DPYSL2: variants seen among roughly 807,000 people sequenced by gnomAD.
DPYSL2 encodes dihydropyrimidinase like 2, also known as dihydropyrimidinase-related protein 2.
In DPYSL2, 13 loss-of-function variants were observed where a neutral mutation model predicts 69.9. The ratio of observed to expected loss-of-function variants is 0.19; its 90% CI spans 0.12 to 0.30. DPYSL2 has a LOEUF of 0.30. DPYSL2 is among the 10% of genes least tolerant of loss of function. DPYSL2 has a pLI of 1.00. For synonymous variants in DPYSL2, 326 were observed against 359.1 expected, an observed-to-expected ratio of 0.91 and a Z score of 1.04; for missense variants, 587 against 918.9, an observed-to-expected ratio of 0.64 and a Z score of 4.67.
Position 26,517,965 on chromosome 8 carries a change from A to G in DPYSL2, c.354+3286A>G, listed in dbSNP as rs1236008713. 6.6e-6 allele frequency among the ~76,000 whole-genome samples: 1 copy of G among 152,188 alleles called. No homozygotes were observed. The highest frequency in any genetic ancestry group is 1.5e-5 in the Non-Finnish European group (1 of 68,026). ...ACAACGTCATCCCTACTCCATCCCC[A>G]TAGCATGCCCCTTCTAGACCTTTCT... On this transcript the variant is annotated intron_variant, in intron 1 of 13. Transcript: ENST00000521913. The surrounding 1 kb of genome is among the most constrained non-coding windows in gnomAD (Gnocchi z 4.2).
intron 1 of DPYSL2, among the ~76,000 whole-genome samples, chr8:26,566,291 T>C (rs1220497036): frequency 6.6e-6 from 1 of 152,056 alleles, no homozygotes; most frequent in Non-Finnish European, 1.5e-5. Flanking sequence ...TGATGACTCT[T>C]GGAAGGGGCC....
In DPYSL2 at chr8:26,647,876, G is replaced by A; in HGVS notation, c.1596+76G>A. 6.7e-7 allele frequency: 1 copy of A among 1,489,076 alleles called. No individual in the cohort carries two copies. The highest frequency in any genetic ancestry group is 8.9e-7 in the Non-Finnish European group (1 of 1,117,482). The allele number at this position is 1,489,076 out of a possible 1,614,324, so 92.2% of individuals were successfully genotyped here. ...AGACACAGACGGAGGGAGAGCCCCAGGGTTTCTAAAAAGAACTTGCTGTGA... is the reference window on the plus strand; with the variant it reads ...AGACACAGACGGAGGGAGAGCCCCAAGGTTTCTAAAAAGAACTTGCTGTGA... On this transcript the variant is annotated intron_variant, in intron 11 of 13. Coordinates refer to ENST00000521913, the MANE Select transcript of DPYSL2 (RefSeq NM_001197293.3). This position sits in a 1 kb window ranked among gnomAD's most constrained non-coding sequence, Gnocchi z 5.1.
rs1803300136 is a variant in DPYSL2 at position 26,652,583 on chromosome 8, G to T, written c.1776+147G>T. 1.1e-6 allele frequency: 1 copy of T among 872,352 alleles called. No homozygotes were observed. Among genetic ancestry groups the T allele is most frequent in the Non-Finnish European group, 1.7e-6 (1 of 587,944 alleles). The allele number at this position is 872,352 out of a possible 1,614,324, so 54.0% of individuals were successfully genotyped here. A position where few individuals can be genotyped will look rare whatever the true frequency, so the allele number is the denominator to read the frequency against. ...AGGGAGCCTGAATTTTTTATTCCTG[G>T]CATTTAAAATACTGGAGAAGGAGTC... On this transcript the variant is annotated intron_variant, in intron 12 of 13. Transcript: ENST00000521913. The surrounding 1 kb of genome is among the most constrained non-coding windows in gnomAD (Gnocchi z 6.3).
At position 26,643,947 on chromosome 8, in the gene DPYSL2, C is replaced by T. The variant is rs572490469; in HGVS notation, c.1284-3C>T. 1.9e-6 allele frequency: 3 copies of T among 1,613,402 alleles called. No individual in the cohort carries two copies. Among genetic ancestry groups the T allele is most frequent in the East Asian group, 4.5e-5 (2 of 44,864 alleles). On this transcript the variant is annotated splice_region_variant and splice_polypyrimidine_tract_variant and intron_variant, in intron 9 of 13. Coordinates refer to ENST00000521913, the MANE Select transcript of DPYSL2 (RefSeq NM_001197293.3). This position sits in a 1 kb window ranked among gnomAD's most constrained non-coding sequence, Gnocchi z 6.5. ...AGCACCACGTTATGCATTTTCTTTG[C>T]AGTGGAGACCTCCAGGTCACGGGCA...
chr8:26,550,105 A>T (rs946003418), intron 1 of DPYSL2, among the ~76,000 whole-genome samples: 1 of 152,230 alleles, frequency 6.6e-6, no homozygotes, highest in African/African-American at 2.4e-5. Flanking sequence ...TTAGGTAGTT[A>T]TAGCTTATGG....
rs1015580154 is a variant in DPYSL2, at chr8:26,517,100, A to G, written c.354+2421A>G. 6.6e-6 allele frequency among the ~76,000 whole-genome samples: 1 copy of G among 152,080 alleles called. No homozygotes were observed. The highest frequency in any genetic ancestry group is 2.4e-5 in the African/African-American group (1 of 41,416). On this transcript the variant is annotated intron_variant, in intron 1 of 13. Coordinates refer to ENST00000521913, the MANE Select transcript of DPYSL2 (RefSeq NM_001197293.3). This position sits in a 1 kb window ranked among gnomAD's most constrained non-coding sequence, Gnocchi z 4.2. ...AGATTGAGAATGGGTGGATCCTGGG[A>G]CCCTGACTCACACCATCCCTCCTCT...
At chr8:26,535,783 A>C (rs142153009) in intron 1 of DPYSL2, among the ~76,000 whole-genome samples, 1 of 152,286 alleles carries the variant, frequency 6.6e-6, no homozygotes, top group Non-Finnish European at 1.5e-5. Flanking sequence ...ATAGTGCAGT[A>C]TATTCTGTGG....
At chr8:26,533,000 T>C (rs929583495) in intron 1 of DPYSL2, among the ~76,000 whole-genome samples, 1 of 152,170 alleles carries the variant, frequency 6.6e-6, no homozygotes, top group Non-Finnish European at 1.5e-5. Context: ...TGAGGGTTAG[T>C]GTATGAGGTT....
intron 3 of DPYSL2, among the ~76,000 whole-genome samples, chr8:26,589,263 C>T (rs1319569749): frequency 6.6e-6 from 1 of 152,244 alleles, no homozygotes; most frequent in Admixed American, 6.5e-5. Flanking sequence ...TCACTGATCT[C>T]CTGTGATCTG....
rs1016333627 is a variant in DPYSL2, at chr8:26,610,616, C to T, written c.629-13527C>T. On this transcript the variant is annotated intron_variant, in intron 3 of 13. Coordinates refer to ENST00000521913, the MANE Select transcript of DPYSL2 (RefSeq NM_001197293.3). This position sits in a 1 kb window ranked among gnomAD's most constrained non-coding sequence, Gnocchi z 4.5. The stretch of plus-strand genomic sequence containing the variant: ...CACGCCTTTATCCAGTCCCTTCCCA[C>T]GCCCTGTTCCTCATTGGAATCCTCT... Among the ~76,000 whole-genome samples, 6 of 152,092 alleles carry T rather than the reference C, an allele frequency of 3.9e-5. No homozygotes were observed. Among genetic ancestry groups the T allele is most frequent in the Non-Finnish European group, 7.4e-5 (5 of 68,024 alleles).
chr8:26,573,831 C>G (rs1486555463), intron 1 of DPYSL2, among the ~76,000 whole-genome samples: 1 of 85,604 alleles, frequency 1.2e-5, no homozygotes, highest in Non-Finnish European at 2.5e-5. Flanking sequence ...AGTGAGACTC[C>G]ACCTCAAAAA....
chr8:26,577,064 A>C (rs1023618375), intron 1 of DPYSL2: 1 of 425,168 alleles, frequency 2.4e-6, no homozygotes, highest in Admixed American at 2.6e-5. Flanking sequence ...CGGAAGGCAC[A>C]AAAGGATGTT....
chr8:26,543,050 G>C (rs1281596513), intron 1 of DPYSL2, among the ~76,000 whole-genome samples: 1 of 152,090 alleles, frequency 6.6e-6, no homozygotes, highest in Non-Finnish European at 1.5e-5. Flanking sequence ...AAATTTCATA[G>C]AAGACAAAAA....
At position 26,533,568 on chromosome 8, in the gene DPYSL2, C is replaced by T. The variant is rs55848744; in HGVS notation, c.354+18889C>T. On this transcript the variant is annotated intron_variant, in intron 1 of 13. Coordinates refer to ENST00000521913, the MANE Select transcript of DPYSL2 (RefSeq NM_001197293.3). The surrounding 1 kb of genome is among the most constrained non-coding windows in gnomAD (Gnocchi z 4.8). The stretch of plus-strand genomic sequence containing the variant: ...GTGGTATGAGACAGGGGTCTAACTT[C>T]ATTATTTTGCCTGTGGATGTCCAGT... Among the ~76,000 whole-genome samples the T allele has an allele frequency of 0.014, 2,125 of 152,302 alleles. 24 individuals are homozygous for T. Among genetic ancestry groups the T allele is most frequent in the Admixed American group, 0.035 (534 of 15,294 alleles).
Position 26,565,476 on chromosome 8 carries a change from T to A in DPYSL2, c.355-16493T>A, listed in dbSNP as rs1801134335. Among the ~76,000 whole-genome samples the A allele has an allele frequency of 6.6e-6, 1 of 152,056 alleles. No homozygotes were observed. ...TGAATGAAGAGGTTGACTCATCACATCTTGATGATGTGGTTAGGGGATGAG... is the reference window on the plus strand; with the variant it reads ...TGAATGAAGAGGTTGACTCATCACAACTTGATGATGTGGTTAGGGGATGAG... On this transcript the variant is annotated intron_variant, in intron 1 of 13. Transcript: ENST00000521913. This position sits in a 1 kb window ranked among gnomAD's most constrained non-coding sequence, Gnocchi z 4.1.
rs1397645506 is a variant in DPYSL2 at position 26,583,910 on chromosome 8, T to A, written c.555T>A (p.Asp185Glu). ...IDVHTRFQMP[D>E]QGMTSADDFF... is the part of the protein sequence containing the mutation. Reference sequence around the variant, plus strand: ...TCCACACTCGTTTCCAGATGCCTGATCAGGGAATGACGTCTGCTGATGATT... The same window carrying A: ...TCCACACTCGTTTCCAGATGCCTGAACAGGGAATGACGTCTGCTGATGATT... The change falls in exon 3 of 14, where the codon GAT (aspartate) becomes GAA (glutamate). Residue 185 changes from aspartate (D) to glutamate (E), a missense_variant. Around this residue, in one of 3 missense-constraint regions of DPYSL2, gnomAD observed 452 missense variants for 754.3 expected, o/e 0.60. Coordinates refer to ENST00000521913, the MANE Select transcript of DPYSL2 (RefSeq NM_001197293.3). 2 of 1,614,046 alleles carry A rather than the reference T, an allele frequency of 1.2e-6. No individual in the cohort carries two copies. Among genetic ancestry groups the A allele is most frequent in the African/African-American group, 1.3e-5 (1 of 74,916 alleles).
At chr8:26,555,981 A>G (rs1379040151) in intron 1 of DPYSL2, among the ~76,000 whole-genome samples, 1 of 115,904 alleles carries the variant, frequency 8.6e-6, no homozygotes, top group Non-Finnish European at 1.7e-5. Flanking sequence ...TATAGTATAT[A>G]TAGTATATAT....
chr8:26,584,037 A>G (rs918365617), intron 3 of DPYSL2, 54 bp downstream of exon 3: 1 of 1,545,488 alleles, frequency 6.5e-7, no homozygotes, highest in South Asian at 1.2e-5. Context: ...AGAGTTTGCA[A>G]ATAAGTCTAT....
intron 3 of DPYSL2, among the ~76,000 whole-genome samples, chr8:26,618,331 A>G (rs924076990): frequency 2.1e-5 from 3 of 140,604 alleles, no homozygotes; most frequent in Admixed American, 7.1e-5. Flanking sequence ...TTTTTTTCTT[A>G]ATAGACAGTC....
Sources: gnomAD v4.1 joint callset for allele counts (sites outside exome capture counted in the v4.1 genomes callset) on GRCh38, gnomAD v4.1.1 for gene constraint, gnomAD v4.1.1 regional missense constraint, Gnocchi (gnomAD v3.1) non-coding constraint, MANE v1.5 for transcripts, NCBI Gene and HGNC (gene_info 2026-07-23, HGNC 2026-07-21) for gene names.